RBFOX1: variants seen among roughly 807,000 people sequenced by gnomAD.
RBFOX1 encodes the protein RNA binding protein fox-1 homolog 1.
In RBFOX1, 8 loss-of-function variants were observed where a neutral mutation model predicts 57.7. The ratio of observed to expected loss-of-function variants is 0.14; its 90% confidence interval spans 0.08 to 0.25. The LOEUF (loss-of-function observed/expected upper bound fraction) is 0.25, where lower values mean the gene tolerates loss of function less well. Among genes scored for constraint, RBFOX1 ranks in the 10% least tolerant of loss-of-function variants. The pLI is 1.00. For missense variants in RBFOX1, 611 were observed against 548.5 expected, an observed-to-expected ratio of 1.11 and a Z score of -1.14; for synonymous variants, 326 against 222.4, an observed-to-expected ratio of 1.47 and a Z score of -4.15.
intron 2 of RBFOX1, among the ~76,000 whole-genome samples, chr16:5,497,835 A>T (rs2043054688): frequency 6.6e-6 from 1 of 152,164 alleles, no homozygotes; most frequent in African/African-American, 2.4e-5. Flanking sequence ...CCCAAGAATA[A>T]CAAAGTGATG....
At chr16:5,402,639 G>A (rs951709323) in intron 1 of RBFOX1, among the ~76,000 whole-genome samples, 1 of 152,118 alleles carries the variant, frequency 6.6e-6, no homozygotes, top group South Asian at 2.1e-4. Flanking sequence ...TAATTATTTC[G>A]TCTCCTTGCT....
chr16:5,999,721 C>G (rs1024568275), intron 4 of RBFOX1, among the ~76,000 whole-genome samples: 16 of 151,838 alleles, frequency 1.1e-4, no homozygotes, highest in Non-Finnish European at 1.9e-4. Flanking sequence ...ATTAGCCGGG[C>G]TTGGTGGCGG....
chr16:6,849,561 C>T (rs1449719209), intron 3 of RBFOX1, among the ~76,000 whole-genome samples: 1 of 152,120 alleles, frequency 6.6e-6, no homozygotes, highest in Non-Finnish European at 1.5e-5. Context: ...CCCAGCTACT[C>T]CACAGGCTGA....
At chr16:6,153,033 GT>G (rs59957159) in intron 1 of RBFOX1, among the ~76,000 whole-genome samples, 5,530 of 128,090 alleles carry the variant, frequency 0.043, 214 homozygotes, top group African/African-American at 0.11. Context: ...GTTATTTTCT[GT>G]TTTTTTTTTT....
intron 3 of RBFOX1, among the ~76,000 whole-genome samples, chr16:6,788,585 C>G (rs969864136): frequency 6.6e-6 from 1 of 151,932 alleles, no homozygotes; most frequent in Non-Finnish European, 1.5e-5. Flanking sequence ...ACGCCATTCT[C>G]CTGCCTCAGC....
At chr16:7,465,735 C>T (rs144614495) in intron 4 of RBFOX1, among the ~76,000 whole-genome samples, 4 of 152,232 alleles carry the variant, frequency 2.6e-5, no homozygotes, top group African/African-American at 9.6e-5. Context: ...ATTTGTGGGT[C>T]CCTCTTCAAG....
At chr16:6,547,677 G>C (rs7184556) in intron 2 of RBFOX1, among the ~76,000 whole-genome samples, 150,122 of 152,222 alleles carry the variant, frequency 0.99, 74,065 homozygotes, top group Middle Eastern at 1. Context: ...TTTGAGGTTT[G>C]TAATAAGATA....
At position 6,531,270 on chromosome 16, in the gene RBFOX1, G is replaced by A. The variant is rs553032655; in HGVS notation, c.-63-123333G>A. 8.5e-5 allele frequency among the ~76,000 whole-genome samples: 13 copies of A among 152,268 alleles called. No individual in the cohort carries two copies. The East Asian group carries it at 2.5e-3, about 29-fold the overall frequency. ...TGCTGTGTCTGTAGACTTCTAACTG[G>A]GGAAAGACATTTCAACCTCCCCTTG... On this transcript the variant is annotated intron_variant, in intron 2 of 15. Transcript: ENST00000550418.
At chr16:7,426,159 C>G (rs939558790) in intron 4 of RBFOX1, among the ~76,000 whole-genome samples, 1 of 152,220 alleles carries the variant, frequency 6.6e-6, no homozygotes, top group Admixed American at 6.5e-5. Context: ...TAGGCAGGGT[C>G]TACACCTTCC....
intron 3 of RBFOX1, among the ~76,000 whole-genome samples, chr16:6,916,948 C>G (rs1483908623): frequency 6.6e-6 from 1 of 152,138 alleles, no homozygotes; most frequent in Non-Finnish European, 1.5e-5. Context: ...CTTCCAGGTT[C>G]AAGCGGTTTT....
At chr16:5,465,507 C>T (rs963155342) in intron 1 of RBFOX1, among the ~76,000 whole-genome samples, 5 of 152,152 alleles carry the variant, frequency 3.3e-5, no homozygotes, top group African/African-American at 1.2e-4. Flanking sequence ...CTGGGAGAAA[C>T]AGCTCATTCT....
chr16:6,937,892 T>C (rs1292233793), intron 3 of RBFOX1, among the ~76,000 whole-genome samples: 1 of 146,808 alleles, frequency 6.8e-6, no homozygotes, highest in African/African-American at 2.5e-5. Context: ...GAGATGGGTA[T>C]CATGAGGCAT....
intron 4 of RBFOX1, among the ~76,000 whole-genome samples, chr16:7,260,741 A>G (rs1394434823): frequency 1.3e-5 from 2 of 152,134 alleles, no homozygotes; most frequent in Admixed American, 6.5e-5. Context: ...CTTTTTACGA[A>G]CTTCAGGATA....
chr16:6,852,358 C>A (rs1055189920), intron 3 of RBFOX1, among the ~76,000 whole-genome samples: 1 of 152,046 alleles, frequency 6.6e-6, no homozygotes, highest in African/African-American at 2.4e-5. Context: ...CCAGGTTGAT[C>A]ACCCATTTTG....
At position 6,820,722 on chromosome 16, in the gene RBFOX1, G is replaced by A. The variant is rs531118016; in HGVS notation, c.-16+166072G>A. ...AAACTGCAGTGCATTCTCATTCTTAGAAGATTTTTTAAGAGCCTCTATAGG... is the reference window on the plus strand; with the variant it reads ...AAACTGCAGTGCATTCTCATTCTTAAAAGATTTTTTAAGAGCCTCTATAGG... On this transcript the variant is annotated intron_variant, in intron 3 of 15. Transcript: ENST00000550418. Among the ~76,000 whole-genome samples, 4 of 152,138 alleles carry A rather than the reference G, an allele frequency of 2.6e-5. No individual in the cohort carries two copies. In the East Asian group the frequency reaches 7.8e-4, roughly 29 times the overall value.
chr16:6,870,408 G>C (rs540189792), intron 3 of RBFOX1, among the ~76,000 whole-genome samples: 9 of 152,278 alleles, frequency 5.9e-5, no homozygotes, highest in African/African-American at 1.9e-4. Flanking sequence ...GTTTCAGCAA[G>C]TCTTACCTCA....
chr16:5,612,883 C>T (rs774474005), intron 3 of RBFOX1, among the ~76,000 whole-genome samples: 6 of 152,204 alleles, frequency 3.9e-5, no homozygotes, highest in Non-Finnish European at 5.9e-5. Flanking sequence ...TTTTTCCTAA[C>T]GAGGTCTCCT....
rs191745825 is a variant in RBFOX1, at chr16:6,366,998, C to T, written c.-64+49941C>T. ...AATTTTATGTACTTCTTGTTGAAAT[C>T]CTTGTCTTCCTTATGCTGCCCATTG... On this transcript the variant is annotated intron_variant, in intron 2 of 15. Coordinates refer to ENST00000550418, the MANE Select transcript of RBFOX1 (RefSeq NM_018723.4). Among the ~76,000 whole-genome samples the T allele has an allele frequency of 6.7e-4, 102 of 152,272 alleles. No individual in the cohort carries two copies. In the Middle Eastern group the frequency reaches 0.034, roughly 51 times the overall value.
chr16:6,899,207 ATATG>A (rs1317371095), intron 3 of RBFOX1, among the ~76,000 whole-genome samples: 2 of 147,622 alleles, frequency 1.4e-5, no homozygotes, highest in Non-Finnish European at 2.9e-5. Context: ...ATATGTGTGT[ATATG>A]TGTGTGTATG....
Sources: allele counts gnomAD v4.1 joint callset (sites outside exome capture counted in the v4.1 genomes callset), GRCh38; gene constraint gnomAD v4.1.1; transcripts MANE v1.5; gene names NCBI Gene and HGNC (gene_info 2026-07-23, HGNC 2026-07-21).